TMEM143: variants seen among roughly 807,000 people sequenced by gnomAD.
TMEM143 encodes the protein transmembrane protein 143.
Under a neutral mutation model 40.3 loss-of-function variants are expected in TMEM143, and 45 were observed. That is an observed-to-expected ratio of 1.12 (90% CI 0.88 to 1.43). The LOEUF (loss-of-function observed/expected upper bound fraction) is 1.43, where lower values mean the gene tolerates loss of function less well. Among genes scored for constraint, TMEM143 ranks in the 40% most tolerant of loss-of-function variants. The pLI, the probability that TMEM143 is intolerant of heterozygous loss-of-function variation, is 0.00. For synonymous variants in TMEM143, 299 were observed against 282.7 expected (o/e 1.06, Z -0.58); for missense variants, 620 against 613.4 (o/e 1.01, Z -0.11).
At chr19:48,360,466 T>G in intron 2 of TMEM143, 1 of 319,180 alleles carries the variant, frequency 3.1e-6, no homozygotes, top group South Asian at 2.8e-5. Context: ...TAGTCCCAGC[T>G]ACTCAGGAGG....
At chr19:48,347,209 C>T (rs904266101) in intron 3 of TMEM143, among the ~76,000 whole-genome samples, 4 of 152,162 alleles carry the variant, frequency 2.6e-5, no homozygotes, top group African/African-American at 9.7e-5. Flanking sequence ...GGAAATCACC[C>T]CTCTATAAAA....
intron 3 of TMEM143, among the ~76,000 whole-genome samples, chr19:48,350,023 C>CA (rs1447957542): frequency 9.6e-6 from 1 of 103,842 alleles, no homozygotes; most frequent in Non-Finnish European, 1.8e-5. Context: ...TTTTTTGAGA[C>CA]AGAGTCTCAC....
In TMEM143 at chr19:48,363,441, G is replaced by A. The variant is rs755491735; in HGVS notation, c.114C>T (p.Leu38=). The A allele has an allele frequency of 4.3e-6, 7 of 1,613,972 alleles. No homozygotes were observed. Among genetic ancestry groups the A allele is most frequent in the Middle Eastern group, 1.6e-4 (1 of 6,062 alleles). ...VRVWPLLPAL[L]GPPRALSSLA... ...GCGATGAGAGGGCCCGGGGGGGCCC[G>A]AGGAGCGCGGGCAACAGTGGCCATA... is the stretch of plus-strand genomic sequence containing the variant. The change falls in exon 2 of 8, where the codon CTC becomes CTT. Residue 38 remains leucine (L), a synonymous_variant. Transcript: ENST00000293261.
chr19:48,336,929 G>A (rs1401414137), intron 6 of TMEM143, among the ~76,000 whole-genome samples: 1 of 151,790 alleles, frequency 6.6e-6, no homozygotes. Flanking sequence ...GCTGAGGCAG[G>A]AGAATGGCGT....
At position 48,333,978 on chromosome 19, in the gene TMEM143, T is replaced by TG. The variant is rs767767865; in HGVS notation, c.1165+29dup. On this transcript the variant is annotated intron_variant, in intron 7 of 7. Coordinates refer to ENST00000293261, the MANE Select transcript of TMEM143 (RefSeq NM_018273.4). This position sits in a 1 kb window ranked among gnomAD's most constrained non-coding sequence, Gnocchi z 4.1. ...CGGGGCCTCGCGGGGGTGTGGCCCCTGGGGGCAGGGTCCCAGGGCCACGTC... is the reference window on the plus strand; with the variant it reads ...CGGGGCCTCGCGGGGGTGTGGCCCCTGGGGGGCAGGGTCCCAGGGCCACGTC... 11 of 1,502,470 alleles carry TG rather than the reference T, an allele frequency of 7.3e-6. No homozygotes were observed. The highest frequency in any genetic ancestry group is 2.2e-5 in the Admixed American group (1 of 46,464). The allele number at this position is 1,502,470 out of a possible 1,614,324, so 93.1% of individuals were successfully genotyped here.
At chr19:48,334,479 TTTTTCTTTCTTTCTTTCG>T (rs1969317234) in intron 6 of TMEM143, among the ~76,000 whole-genome samples, 1 of 56,810 alleles carries the variant, frequency 1.8e-5, no homozygotes, top group African/African-American at 5.2e-5. Context: ...TCTTTCTTTC[TTTTTCTTTCTTTCTTTCG>T]TTCTTTCTTT....
intron 5 of TMEM143, chr19:48,343,014 G>A (rs1478575437): frequency 1.4e-5 from 10 of 699,602 alleles, no homozygotes; most frequent in African/African-American, 3.6e-5. Context: ...GGTATTGGAC[G>A]TGCAGATTGT....
chr19:48,356,578 C>G (rs910594194), intron 3 of TMEM143, among the ~76,000 whole-genome samples: 1 of 149,300 alleles, frequency 6.7e-6, no homozygotes, highest in East Asian at 2.0e-4. Flanking sequence ...TATAGACATG[C>G]GCTACCAGGC....
Position 48,333,410 on chromosome 19 carries a change from C to G in TMEM143, c.1189G>C (p.Glu397Gln). The change falls in exon 8 of 8, where the codon GAG becomes CAG. Residue 397 changes from glutamate to glutamine, a missense_variant. Transcript: ENST00000293261. This position sits in a 1 kb window ranked among gnomAD's most constrained non-coding sequence, Gnocchi z 4.1. ...PEETSRWLRS[E>Q]VENWLLAKSG... Reference sequence around the variant, plus strand: ...TTGGCTAGGAGCCAGTTCTCCACCTCCGACCGGAGCCACCTGGAGGTCTCT... The same window carrying G: ...TTGGCTAGGAGCCAGTTCTCCACCTGCGACCGGAGCCACCTGGAGGTCTCT... 7.5e-6 allele frequency: 12 copies of G among 1,601,312 alleles called. No individual in the cohort carries two copies. The highest frequency in any genetic ancestry group is 1.0e-5 in the Non-Finnish European group (12 of 1,171,984).
chr19:48,346,688 C>T (rs1157789464), intron 3 of TMEM143, among the ~76,000 whole-genome samples: 1 of 152,090 alleles, frequency 6.6e-6, no homozygotes, highest in African/African-American at 2.4e-5. Flanking sequence ...AGTGATTCTC[C>T]TGCCTCAGCC....
chr19:48,357,007 C>A (rs1234365301), intron 3 of TMEM143, among the ~76,000 whole-genome samples: 1 of 147,204 alleles, frequency 6.8e-6, no homozygotes, highest in South Asian at 2.2e-4. Flanking sequence ...TGGGTTCAAG[C>A]GATTCTCCTG....
Position 48,333,999 on chromosome 19 carries a change from A to G in TMEM143, c.1165+9T>C, listed in dbSNP as rs1433794037. The G allele has an allele frequency of 6.5e-7, 1 of 1,533,050 alleles. No homozygotes were observed. The highest frequency in any genetic ancestry group is 1.4e-5 in the African/African-American group (1 of 72,978). 95.0% of individuals were successfully genotyped at this position (1,533,050 alleles called of 1,614,324 possible). A position where few individuals can be genotyped will look rare whatever the true frequency, so the allele number is the denominator to read the frequency against. Reference sequence around the variant, plus strand: ...CCCCTGGGGGCAGGGTCCCAGGGCCACGTCCTACCTTCGGGCGAGCCTTGA... The same window carrying G: ...CCCCTGGGGGCAGGGTCCCAGGGCCGCGTCCTACCTTCGGGCGAGCCTTGA... On this transcript the variant is annotated intron_variant, in intron 7 of 7. Coordinates refer to ENST00000293261, the MANE Select transcript of TMEM143 (RefSeq NM_018273.4). This position sits in a 1 kb window ranked among gnomAD's most constrained non-coding sequence, Gnocchi z 4.1.
In TMEM143 at chr19:48,360,147, C is replaced by T. The variant is rs143644919; in HGVS notation, c.294G>A (p.Ala98=). 1.8e-5 allele frequency: 29 copies of T among 1,613,996 alleles called. No homozygotes were observed. The East Asian group carries it at 4.2e-4, about 24-fold the overall frequency. The change falls in exon 3 of 8, where the codon GCG becomes GCA. Residue 98 remains alanine (A), a synonymous_variant. Coordinates refer to ENST00000293261, the MANE Select transcript of TMEM143 (RefSeq NM_018273.4). ...QEFHSSPAEK[A]ALEAFSAHVD... is the part of the protein sequence containing the mutation. ...CGTGGGCCGAGAACGCCTCCAAAGCCGCCTTCTCTGCCGGACTCGAGTGGA... is the reference window on the plus strand; with the variant it reads ...CGTGGGCCGAGAACGCCTCCAAAGCTGCCTTCTCTGCCGGACTCGAGTGGA...
intron 6 of TMEM143, among the ~76,000 whole-genome samples, chr19:48,337,372 C>A (rs945126087): frequency 2.0e-5 from 3 of 152,032 alleles, no homozygotes; most frequent in Non-Finnish European, 2.9e-5. Flanking sequence ...CATAGTGAAA[C>A]CCCGTCTCTA....
At chr19:48,344,946 G>A (rs1359009846) in intron 4 of TMEM143, among the ~76,000 whole-genome samples, 3 of 152,138 alleles carry the variant, frequency 2.0e-5, no homozygotes, top group African/African-American at 7.2e-5. Flanking sequence ...GACCTCAGGT[G>A]ATCCACCCAC....
chr19:48,356,883 A>C (rs954702325), intron 3 of TMEM143, among the ~76,000 whole-genome samples: 5 of 129,750 alleles, frequency 3.9e-5, no homozygotes, highest in African/African-American at 5.8e-5. Context: ...CGTGAGCCAC[A>C]GCACCTGGCC....
Position 48,363,407 on chromosome 19 carries a change from T to C in TMEM143, c.148A>G (p.Lys50Glu), listed in dbSNP as rs372534001. The change falls in exon 2 of 8, where the codon AAA becomes GAA. Residue 50 changes from lysine to glutamate, a missense_variant. By Grantham distance (56) the Lys-to-Glu change is moderately conservative. Transcript: ENST00000293261. ...PPRALSSLAA[K>E]MGEYRKMWNP... ...CACATCTTGCGATACTCCCCCATTT[T>C]GGCTGCCAGCGATGAGAGGGCCCGG... is the stretch of plus-strand genomic sequence containing the variant. The C allele has an allele frequency of 6.2e-7, 1 of 1,614,068 alleles. No individual in the cohort carries two copies. The highest frequency in any genetic ancestry group is 1.3e-5 in the African/African-American group (1 of 74,952).
At position 48,363,897 on chromosome 19, in the gene TMEM143, C is replaced by T. The variant is rs762214132; in HGVS notation, c.23+1G>A. ...ATGCAATCCCCCGATTTCTCCCTCA[C>T]CTTAGCCAAAGCTCGACTGTCATTG... On this transcript the variant is annotated splice_donor_variant, in intron 1 of 7. Transcript: ENST00000293261. LOFTEE classifies it high-confidence loss of function. The T allele has an allele frequency of 1.3e-5, 21 of 1,613,832 alleles. No individual in the cohort carries two copies. The highest frequency in any genetic ancestry group is 1.8e-5 in the Non-Finnish European group (21 of 1,179,868).
intron 6 of TMEM143, among the ~76,000 whole-genome samples, chr19:48,341,334 G>A (rs951990888): frequency 1.3e-5 from 2 of 152,172 alleles, no homozygotes; most frequent in African/African-American, 2.4e-5. Flanking sequence ...CTGTGCAACT[G>A]TTCAAGGCAG....
Sources: gnomAD v4.1 joint callset for allele counts (sites outside exome capture counted in the v4.1 genomes callset) on GRCh38, gnomAD v4.1.1 for gene constraint, Gnocchi (gnomAD v3.1) non-coding constraint, MANE v1.5 for transcripts, NCBI Gene and HGNC (gene_info 2026-07-23, HGNC 2026-07-21) for gene names.